LRP1B: variants seen among roughly 807,000 people sequenced by gnomAD.
LRP1B encodes low-density lipoprotein receptor-related protein 1B.
LRP1B carries 217 observed loss-of-function variants against 556.6 expected under a neutral mutation model. The ratio of observed to expected loss-of-function variants is 0.39; its 90% CI spans 0.35 to 0.44. The LOEUF (loss-of-function observed/expected upper bound fraction) is 0.44, where lower values mean the gene tolerates loss of function less well. Ranked by LOEUF, LRP1B falls within the 20% of genes least tolerant of loss-of-function variation. The pLI, the probability that LRP1B is intolerant of heterozygous loss-of-function variation, is 1.00. For synonymous variants in LRP1B, 2,047 were observed against 1,865.8 expected (o/e 1.10, Z -2.50); for missense variants, 5,053 against 5,620.8 (o/e 0.90, Z 3.23).
At chr2:140,351,387 A>G (rs1375220732) in intron 76 of LRP1B, among the ~76,000 whole-genome samples, 4 of 152,046 alleles carry the variant, frequency 2.6e-5, no homozygotes, top group African/African-American at 9.6e-5. Flanking sequence ...ACTATGTTGT[A>G]TACTCATTAA....
At chr2:141,111,495 G>C (rs1001980050) in intron 7 of LRP1B, among the ~76,000 whole-genome samples, 1 of 152,108 alleles carries the variant, frequency 6.6e-6, no homozygotes, top group African/African-American at 2.4e-5. Flanking sequence ...AGAGTCCCCA[G>C]AGAACCTCCC....
At chr2:140,703,091 T>A (rs1215829503) in intron 37 of LRP1B, among the ~76,000 whole-genome samples, 1 of 152,172 alleles carries the variant, frequency 6.6e-6, no homozygotes, top group African/African-American at 2.4e-5. Context: ...TTGTGGTAAA[T>A]ACATATTTAA....
Position 140,430,673 on chromosome 2 carries a change from T to C in LRP1B, c.10414+11831A>G, listed in dbSNP as rs531555750. 1.5e-3 allele frequency among the ~76,000 whole-genome samples: 224 copies of C among 152,252 alleles called. 1 individual carries two copies. The highest frequency in any genetic ancestry group is 5.2e-3 in the African/African-American group (216 of 41,546). ...AATGGTTCTTAGACCAAGGAAAATA[T>C]CTCCTTTCAGCCTCACAGGCCCATT... On this transcript the variant is annotated intron_variant, in intron 66 of 90. Transcript: ENST00000389484.
At chr2:141,800,643 C>A (rs866573603) in intron 2 of LRP1B, among the ~76,000 whole-genome samples, 6 of 152,170 alleles carry the variant, frequency 3.9e-5, no homozygotes, top group African/African-American at 1.2e-4. Flanking sequence ...AGCACAGTAT[C>A]TGGCACATAT....
chr2:140,265,371 G>C (rs1558756816), intron 86 of LRP1B, among the ~76,000 whole-genome samples: 1 of 151,962 alleles, frequency 6.6e-6, no homozygotes, highest in Non-Finnish European at 1.5e-5. Flanking sequence ...AAAAAATCTA[G>C]TTTTTGTTCT....
At chr2:140,849,198 T>TAAAAAAAAAAAAA in intron 29 of LRP1B, among the ~76,000 whole-genome samples, 1 of 16,930 alleles carries the variant, frequency 5.9e-5, no homozygotes, top group East Asian at 2.0e-3. Context: ...CTACTAAAAA[T>TAAAAAAAAAAAAA]ACAAAAAAAA....
intron 1 of LRP1B, among the ~76,000 whole-genome samples, chr2:141,979,964 TA>T (rs1291338776): frequency 2.6e-5 from 4 of 152,160 alleles, no homozygotes; most frequent in African/African-American, 9.7e-5. Flanking sequence ...TCTCACTCAT[TA>T]ATATGTTTTT....
At chr2:140,409,081 C>A (rs1208411677) in intron 66 of LRP1B, among the ~76,000 whole-genome samples, 2 of 151,746 alleles carry the variant, frequency 1.3e-5, no homozygotes, top group African/African-American at 2.4e-5. Flanking sequence ...AGGTCTTTGT[C>A]AAATTAAAAA....
chr2:140,764,774 G>T (rs1689043883), intron 35 of LRP1B, among the ~76,000 whole-genome samples: 1 of 152,086 alleles, frequency 6.6e-6, no homozygotes, highest in South Asian at 2.1e-4. Flanking sequence ...GTGAATTTAA[G>T]CCAACACATC....
intron 2 of LRP1B, among the ~76,000 whole-genome samples, chr2:141,658,153 G>A (rs1040427764): frequency 6.6e-5 from 10 of 152,072 alleles, no homozygotes; most frequent in South Asian, 4.1e-4. Flanking sequence ...AATTATTGAG[G>A]GGGATGAGAG....
intron 76 of LRP1B, among the ~76,000 whole-genome samples, chr2:140,351,263 CTT>C (rs1405936245): frequency 6.6e-6 from 1 of 151,862 alleles, no homozygotes; most frequent in Non-Finnish European, 1.5e-5. Context: ...TACTGCCAAT[CTT>C]TCCTTATGGC....
At chr2:140,830,211 A>C (rs1487468271) in intron 31 of LRP1B, among the ~76,000 whole-genome samples, 1 of 152,112 alleles carries the variant, frequency 6.6e-6, no homozygotes, top group Non-Finnish European at 1.5e-5. Flanking sequence ...AATTCTACTC[A>C]AAGTATTTAT....
At chr2:140,301,461 T>G (rs916978834) in intron 83 of LRP1B, among the ~76,000 whole-genome samples, 9 of 152,106 alleles carry the variant, frequency 5.9e-5, no homozygotes, top group Non-Finnish European at 1.2e-4. Context: ...CAAATTTTAA[T>G]TTTGGTACAT....
At chr2:141,018,757 G>A (rs550527862) in intron 12 of LRP1B, among the ~76,000 whole-genome samples, 1 of 152,100 alleles carries the variant, frequency 6.6e-6, no homozygotes, top group East Asian at 1.9e-4. Flanking sequence ...AACTAAGGCT[G>A]GTTTACCAGA....
At chr2:141,173,960 CCTT>C (rs562661629) in intron 7 of LRP1B, among the ~76,000 whole-genome samples, 48 of 152,072 alleles carry the variant, frequency 3.2e-4, no homozygotes, top group African/African-American at 1.1e-3. Context: ...ACTGACTTCT[CCTT>C]CTTTTTATTT....
intron 3 of LRP1B, among the ~76,000 whole-genome samples, chr2:141,465,133 A>G (rs1682131857): frequency 6.6e-6 from 1 of 151,652 alleles, no homozygotes; most frequent in African/African-American, 2.4e-5. Context: ...CATTGACAAA[A>G]CACAGTTAAA....
intron 2 of LRP1B, among the ~76,000 whole-genome samples, chr2:141,587,359 C>A (rs1687178747): frequency 6.6e-6 from 1 of 152,154 alleles, no homozygotes; most frequent in Non-Finnish European, 1.5e-5. Flanking sequence ...GGGAGCTGAC[C>A]TGGCATTATA....
chr2:140,510,172 G>T, intron 51 of LRP1B, 116 bp from the exon 52 acceptor site: 1 of 1,092,126 alleles, frequency 9.2e-7, no homozygotes, highest in Non-Finnish European at 1.3e-6. Flanking sequence ...ATAAGGAGGC[G>T]ATTGTAGTTA....
intron 3 of LRP1B, among the ~76,000 whole-genome samples, chr2:141,334,973 A>G (rs1358246089): frequency 6.6e-6 from 1 of 152,246 alleles, no homozygotes; most frequent in Admixed American, 6.5e-5. Flanking sequence ...ATAGCTTTCT[A>G]TCATATCTTA....
Sources: gnomAD v4.1 joint callset for allele counts (sites outside exome capture counted in the v4.1 genomes callset) on GRCh38, gnomAD v4.1.1 for gene constraint, MANE v1.5 for transcripts, NCBI Gene and HGNC (gene_info 2026-07-23, HGNC 2026-07-21) for gene names.